The following TBC1D5 variants were observed in gnomAD, a reference collection of about 807,000 sequenced individuals.
TBC1D5 encodes the protein TBC1 domain family, member 5.
A neutral mutation model predicts 100.3 loss-of-function variants in TBC1D5; 75 were observed. The observed-to-expected ratio is 0.75, with a 90% CI of 0.62 to 0.91. The LOEUF (loss-of-function observed/expected upper bound fraction) is 0.91. Among genes scored for constraint, TBC1D5 ranks in the 40% least tolerant of loss-of-function variants. The probability of loss-of-function intolerance (pLI) is 0.00; values close to 1 mark genes in which losing one functional copy is unlikely to be tolerated. For synonymous variants in TBC1D5, 323 were observed against 325.6 expected (o/e 0.99, Z 0.09); for missense variants, 910 against 942.4 (o/e 0.97, Z 0.45).
rs779878734 is a variant in TBC1D5, at chr3:17,404,998, T to A, written c.277-37A>T. 4 of 1,381,442 alleles carry A rather than the reference T, an allele frequency of 2.9e-6. No individual in the cohort carries two copies. In the South Asian group the frequency reaches 5.3e-5, roughly 18 times the overall value. 85.6% of individuals were successfully genotyped at this position (1,381,442 alleles called of 1,614,324 possible). On this transcript the variant is annotated intron_variant, in intron 5 of 21. Transcript: ENST00000253692. ...AACAGAAGAAACTTTTGTAAAAATCTTAAGATATAAAATGTGAAACTATGC... is the reference window on the plus strand; with the variant it reads ...AACAGAAGAAACTTTTGTAAAAATCATAAGATATAAAATGTGAAACTATGC...
intron 19 of TBC1D5, among the ~76,000 whole-genome samples, chr3:17,180,800 C>A (rs2068353989): frequency 6.6e-6 from 1 of 151,244 alleles, no homozygotes; most frequent in South Asian, 2.1e-4. Flanking sequence ...GATGAGAAAT[C>A]ACTTAATGGG....
chr3:17,669,661 T>C (rs1242700472), intron 1 of TBC1D5, among the ~76,000 whole-genome samples: 1 of 152,146 alleles, frequency 6.6e-6, no homozygotes, highest in Non-Finnish European at 1.5e-5. Flanking sequence ...TTAATACATA[T>C]AAAAATGCTA....
chr3:17,652,199 T>C (rs2065644700), intron 1 of TBC1D5, among the ~76,000 whole-genome samples: 1 of 152,186 alleles, frequency 6.6e-6, no homozygotes, highest in Non-Finnish European at 1.5e-5. Flanking sequence ...TAGTCCTAAG[T>C]AGAGGACTTT....
intron 1 of TBC1D5, among the ~76,000 whole-genome samples, chr3:17,648,741 T>C (rs1161656529): frequency 6.6e-6 from 1 of 152,174 alleles, no homozygotes; most frequent in Non-Finnish European, 1.5e-5. Context: ...TCAGTATCAC[T>C]GATCATTAGA....
intron 4 of TBC1D5, among the ~76,000 whole-genome samples, chr3:17,407,186 T>C (rs2093794016): frequency 1.3e-5 from 2 of 152,140 alleles, no homozygotes; most frequent in Non-Finnish European, 2.9e-5. Context: ...AACTGAAATA[T>C]GCCTCCCAGG....
intron 2 of TBC1D5, among the ~76,000 whole-genome samples, chr3:17,524,919 A>G (rs191369324): frequency 6.6e-6 from 1 of 152,180 alleles, no homozygotes; most frequent in Admixed American, 6.5e-5. Flanking sequence ...AATAATAGGT[A>G]GGAATTTAAA....
At chr3:17,297,984 T>G (rs1468808339) in intron 14 of TBC1D5, among the ~76,000 whole-genome samples, 1 of 152,186 alleles carries the variant, frequency 6.6e-6, no homozygotes, top group East Asian at 1.9e-4. Context: ...CCTCCGCATC[T>G]GTAAAATGTC....
chr3:17,626,696 G>A (rs547956606), intron 1 of TBC1D5, among the ~76,000 whole-genome samples: 1 of 152,078 alleles, frequency 6.6e-6, no homozygotes, highest in South Asian at 2.1e-4. Flanking sequence ...AGCTTTAGGT[G>A]GACAAAACAA....
chr3:17,301,874 G>A lies in TBC1D5; in HGVS notation c.1138+6118C>T, dbSNP rs555398778. Among the ~76,000 whole-genome samples the A allele has an allele frequency of 5.9e-5, 9 of 152,234 alleles. No homozygotes were observed. The East Asian group carries it at 1.5e-3, about 26-fold the overall frequency. On this transcript the variant is annotated intron_variant, in intron 14 of 21. Coordinates refer to ENST00000253692, the Ensembl canonical transcript of TBC1D5. ...TCAGTTAAAAAATAGTGTGGTGGGG[G>A]TATCACCATTCATAAACTATTACAG...
intron 21 of TBC1D5, among the ~76,000 whole-genome samples, chr3:17,162,648 T>C (rs552640294): frequency 2.7e-5 from 4 of 148,732 alleles, no homozygotes; most frequent in Non-Finnish European, 6.0e-5. Context: ...TAGCACACGG[T>C]AGTCTGATAG....
chr3:17,160,056 C>T (rs2065903558), exon 22 of TBC1D5: 1 of 146,272 alleles, frequency 6.8e-6, no homozygotes, highest in South Asian at 2.3e-4. Flanking sequence ...AACTGACTGT[C>T]TGAAAGATGT....
intron 15 of TBC1D5, among the ~76,000 whole-genome samples, chr3:17,291,199 C>T (rs2081700118): frequency 6.6e-6 from 1 of 152,170 alleles, no homozygotes; most frequent in Non-Finnish European, 1.5e-5. Flanking sequence ...ATACTTCTTC[C>T]AATATTTTTG....
chr3:17,675,599 A>C (rs1021846286), intron 1 of TBC1D5, among the ~76,000 whole-genome samples: 1 of 152,166 alleles, frequency 6.6e-6, no homozygotes, highest in African/African-American at 2.4e-5. Flanking sequence ...TCATGAGTTA[A>C]ACAGTTTAAA....
intron 2 of TBC1D5, among the ~76,000 whole-genome samples, chr3:17,550,933 G>A (rs2096467055): frequency 1.3e-5 from 2 of 151,802 alleles, no homozygotes; most frequent in African/African-American, 4.8e-5. Flanking sequence ...AAAAATCCCA[G>A]TTCTCTTCCT....
At chr3:17,339,756 A>G (rs1352999363) in intron 13 of TBC1D5, among the ~76,000 whole-genome samples, 2 of 152,220 alleles carry the variant, frequency 1.3e-5, no homozygotes, top group African/African-American at 2.4e-5. Flanking sequence ...TTTACTCAGG[A>G]AAGTTGAGAA....
chr3:17,264,937 G>T (rs2078696938), intron 15 of TBC1D5, among the ~76,000 whole-genome samples: 1 of 152,150 alleles, frequency 6.6e-6, no homozygotes, highest in Non-Finnish European at 1.5e-5. Flanking sequence ...TGGAAAAAGT[G>T]ATGTTTCATA....
intron 14 of TBC1D5, among the ~76,000 whole-genome samples, chr3:17,296,092 G>A (rs1017380780): frequency 1.3e-5 from 2 of 152,044 alleles, no homozygotes; most frequent in Non-Finnish European, 2.9e-5. Flanking sequence ...ACTGAAAAAA[G>A]TCCTCAGTGT....
intron 15 of TBC1D5, among the ~76,000 whole-genome samples, chr3:17,260,148 A>G (rs1435216994): frequency 6.6e-6 from 1 of 152,218 alleles, no homozygotes; most frequent in African/African-American, 2.4e-5. Context: ...CAGTGCATTC[A>G]TGATGTATTT....
intron 4 of TBC1D5, among the ~76,000 whole-genome samples, chr3:17,414,371 G>T (rs931755073): frequency 2.6e-5 from 4 of 152,226 alleles, no homozygotes. Flanking sequence ...TTATCAAAAA[G>T]GAGCCAGTAA....
Sources: allele counts gnomAD v4.1 joint callset (sites outside exome capture counted in the v4.1 genomes callset), GRCh38; gene constraint gnomAD v4.1.1; transcripts MANE v1.5; gene names NCBI Gene and HGNC (gene_info 2026-07-23, HGNC 2026-07-21).